The following ARHGAP19 variants were observed in gnomAD, a reference collection of about 807,000 sequenced individuals.
The protein encoded by ARHGAP19 is Rho GTPase activating protein 19, also known as rho GTPase-activating protein 19.
In ARHGAP19, 48 loss-of-function variants were observed where a neutral mutation model predicts 60.9. The observed-to-expected ratio is 0.79, with a 90% CI of 0.62 to 1.00. ARHGAP19 has a LOEUF of 1.00. ARHGAP19 is among the 50% of genes least tolerant of loss of function. The pLI, the probability that ARHGAP19 is intolerant of heterozygous loss-of-function variation, is 0.00. For synonymous variants in ARHGAP19, 209 were observed against 215.5 expected, an observed-to-expected ratio of 0.97 and a Z score of 0.27; for missense variants, 562 against 597.2, an observed-to-expected ratio of 0.94 and a Z score of 0.61.
intron 5 of ARHGAP19, among the ~76,000 whole-genome samples, chr10:97,256,937 C>T (rs1035684344): frequency 1.3e-5 from 2 of 152,040 alleles, no homozygotes; most frequent in Non-Finnish European, 2.9e-5. Context: ...CTGGCTAACA[C>T]AGTGAAACAC....
intron 8 of ARHGAP19, among the ~76,000 whole-genome samples, chr10:97,238,935 A>G (rs1842425115): frequency 6.6e-6 from 1 of 152,126 alleles, no homozygotes; most frequent in African/African-American, 2.4e-5. Context: ...TATCTTTTAT[A>G]CTGTATTTTT....
intron 6 of ARHGAP19, among the ~76,000 whole-genome samples, chr10:97,247,144 A>G (rs1403231513): frequency 1.3e-5 from 2 of 151,862 alleles, no homozygotes; most frequent in African/African-American, 4.8e-5. Flanking sequence ...TCTCAAAAAA[A>G]AAAAAATTAC....
Position 97,226,001 on chromosome 10 carries a change from G to A in ARHGAP19, c.*121C>T. 1 of 1,083,246 alleles carries A rather than the reference G, an allele frequency of 9.2e-7. No individual in the cohort carries two copies. Among genetic ancestry groups the A allele is most frequent in the South Asian group, 1.4e-5 (1 of 73,198 alleles). 67.1% of individuals were successfully genotyped at this position (1,083,246 alleles called of 1,614,324 possible). Reference sequence around the variant, plus strand: ...ATCAGTCGGGTCACGGTATTAGTTGGCTTTGACAATTCAAAATGCAGCAAG... The same window carrying A: ...ATCAGTCGGGTCACGGTATTAGTTGACTTTGACAATTCAAAATGCAGCAAG... On this transcript the variant is annotated 3_prime_UTR_variant, in exon 12 of 12. Coordinates refer to ENST00000358531, the MANE Select transcript of ARHGAP19 (RefSeq NM_032900.6).
chr10:97,285,578 G>C (rs1229430552), intron 1 of ARHGAP19, among the ~76,000 whole-genome samples: 1 of 139,520 alleles, frequency 7.2e-6, no homozygotes, highest in African/African-American at 2.7e-5. Flanking sequence ...CTGGAGTATA[G>C]TGGCACAATC....
rs192913189 is a variant in ARHGAP19, at chr10:97,228,795, T to A, written c.1474+352A>T. Reference sequence around the variant, plus strand: ...ACAGAAAAGGAACCTAACTATTCCATAAGCATACTCCCAGCACTGTTGAAC... The same window carrying A: ...ACAGAAAAGGAACCTAACTATTCCAAAAGCATACTCCCAGCACTGTTGAAC... On this transcript the variant is annotated intron_variant, in intron 11 of 11. Coordinates refer to ENST00000358531, the MANE Select transcript of ARHGAP19 (RefSeq NM_032900.6). Among the ~76,000 whole-genome samples, 4 of 152,356 alleles carry A rather than the reference T, an allele frequency of 2.6e-5. No homozygotes were observed. The East Asian group carries it at 5.8e-4, about 22-fold the overall frequency.
At chr10:97,249,534 AAAC>A (rs1210572225) in intron 6 of ARHGAP19, among the ~76,000 whole-genome samples, 5 of 152,204 alleles carry the variant, frequency 3.3e-5, no homozygotes, top group Non-Finnish European at 7.3e-5. Flanking sequence ...TAACTTGAGA[AAAC>A]AATAAGACAA....
chr10:97,270,515 A>G (rs1842948138), intron 1 of ARHGAP19: 1 of 983,680 alleles, frequency 1.0e-6, no homozygotes, highest in Admixed American at 2.7e-5. Context: ...AGAAAAAACT[A>G]CTATATTTAA....
Position 97,270,100 on chromosome 10 carries a change from G to GA in ARHGAP19, c.57-3976dup, listed in dbSNP as rs1286161404. On this transcript the variant is annotated intron_variant, in intron 1 of 11. Coordinates refer to ENST00000358531, the MANE Select transcript of ARHGAP19 (RefSeq NM_032900.6). ...CTCCTACTACTTATAAGGAATACAA[G>GA]AAAAAAAAAGATACCTTGGATCTCC... Among the ~76,000 whole-genome samples the GA allele has an allele frequency of 6.0e-5, 9 of 150,634 alleles. No individual in the cohort carries two copies. In the East Asian group the frequency reaches 9.7e-4, roughly 16 times the overall value.
chr10:97,234,317 C>T (rs1024028089), intron 9 of ARHGAP19, among the ~76,000 whole-genome samples: 4 of 150,712 alleles, frequency 2.7e-5, no homozygotes, highest in African/African-American at 9.8e-5. Flanking sequence ...GGGCTTCATA[C>T]CTAGGTGATG....
chr10:97,266,219 G>A, intron 1 of ARHGAP19, 94 bp from the exon 2 acceptor site: 5 of 1,442,312 alleles, frequency 3.5e-6, no homozygotes, highest in Non-Finnish European at 4.7e-6. Context: ...TCCACGCAAA[G>A]GCAGAGGTTT....
At chr10:97,257,613 C>T (rs1564721302) in intron 5 of ARHGAP19, among the ~76,000 whole-genome samples, 1 of 152,086 alleles carries the variant, frequency 6.6e-6, no homozygotes, top group Non-Finnish European at 1.5e-5. Flanking sequence ...TTTATAACCA[C>T]AGTTTGCTCA....
At chr10:97,280,092 A>C (rs1843064422) in intron 1 of ARHGAP19, among the ~76,000 whole-genome samples, 1 of 152,154 alleles carries the variant, frequency 6.6e-6, no homozygotes, top group African/African-American at 2.4e-5. Context: ...GTACAATGGG[A>C]AGAAAGTTAT....
intron 11 of ARHGAP19, among the ~76,000 whole-genome samples, chr10:97,226,731 A>G (rs1488473017): frequency 6.6e-6 from 1 of 152,270 alleles, no homozygotes. Flanking sequence ...AAGTAAATAC[A>G]GTAAATCATA....
At chr10:97,280,250 T>G (rs1843066323) in intron 1 of ARHGAP19, among the ~76,000 whole-genome samples, 1 of 151,776 alleles carries the variant, frequency 6.6e-6, no homozygotes, top group Admixed American at 6.6e-5. Flanking sequence ...CTACTAAAAA[T>G]ACAAAAGAAT....
chr10:97,290,134 TTTTCACTCTA>T (rs1263395332), intron 1 of ARHGAP19, among the ~76,000 whole-genome samples: 1 of 152,182 alleles, frequency 6.6e-6, no homozygotes, highest in Non-Finnish European at 1.5e-5. Flanking sequence ...GGGAACTCTG[TTTTCACTCTA>T]TTTCACTCTA....
chr10:97,235,545 C>G (rs1851115068), intron 8 of ARHGAP19, among the ~76,000 whole-genome samples: 1 of 152,152 alleles, frequency 6.6e-6, no homozygotes, highest in East Asian at 1.9e-4. Flanking sequence ...TGTGGAATTA[C>G]TGTCCCCATT....
intron 11 of ARHGAP19, among the ~76,000 whole-genome samples, chr10:97,228,576 T>C (rs575340711): frequency 3.3e-5 from 5 of 152,298 alleles, no homozygotes; most frequent in South Asian, 4.2e-4. Flanking sequence ...GGTCTTTCCA[T>C]TGACCCACTT....
At chr10:97,260,785 T>A (rs189382579) in intron 4 of ARHGAP19, among the ~76,000 whole-genome samples, 1 of 151,724 alleles carries the variant, frequency 6.6e-6, no homozygotes, top group Admixed American at 6.6e-5. Context: ...CCTCGGTATA[T>A]ACCCAAGAGA....
In ARHGAP19 at chr10:97,229,212, G is replaced by GA. The variant is rs1850957968; in HGVS notation, c.1408dup (p.Ser470PhefsTer15). 1 of 1,614,058 alleles carries GA rather than the reference G, an allele frequency of 6.2e-7. No homozygotes were observed. The highest frequency in any genetic ancestry group is 1.3e-5 in the African/African-American group (1 of 75,050). ...TGTTGGTGTCATCGTGACAGCTGGA[G>GA]AGCCAGAAAATAACTGTAATAAGAA... On this transcript the variant is annotated frameshift_variant, in exon 11 of 12. Transcript: ENST00000358531. LOFTEE classifies it high-confidence loss of function.
Sources: allele counts gnomAD v4.1 joint callset (sites outside exome capture counted in the v4.1 genomes callset), GRCh38; gene constraint gnomAD v4.1.1; transcripts MANE v1.5; gene names NCBI Gene and HGNC (gene_info 2026-07-23, HGNC 2026-07-21).